The following KCNH1 variants were observed in gnomAD, a reference collection of about 807,000 sequenced individuals.
The protein encoded by KCNH1 is potassium voltage-gated channel subfamily H member 1.
Under a neutral mutation model 69.2 loss-of-function variants are expected in KCNH1, and 27 were observed. The observed-to-expected ratio is 0.39, with a 90% CI of 0.29 to 0.54. The LOEUF is 0.54. KCNH1 is among the 20% of genes least tolerant of loss of function. The pLI is 0.68. For synonymous variants in KCNH1, 456 were observed against 487.7 expected, an observed-to-expected ratio of 0.93 and a Z score of 0.86; for missense variants, 798 against 1,261.6, an observed-to-expected ratio of 0.63 and a Z score of 5.57.
intron 7 of KCNH1, among the ~76,000 whole-genome samples, chr1:210,909,545 T>G (rs747819505): frequency 6.6e-6 from 1 of 152,254 alleles, no homozygotes; most frequent in Non-Finnish European, 1.5e-5. Context: ...GTTTCCATTT[T>G]CAGAAGAAGA....
At chr1:211,062,661 A>T (rs534447726) in intron 5 of KCNH1, among the ~76,000 whole-genome samples, 40 of 152,338 alleles carry the variant, frequency 2.6e-4, no homozygotes, top group Admixed American at 1.0e-3. Flanking sequence ...ATCTAAATAG[A>T]TATTTCTCAA....
At chr1:211,087,151 G>A (rs944173930) in intron 4 of KCNH1, among the ~76,000 whole-genome samples, 1 of 152,188 alleles carries the variant, frequency 6.6e-6, no homozygotes, top group Non-Finnish European at 1.5e-5. Context: ...AGGGTCAACA[G>A]TTACAACAGT....
At chr1:210,946,298 C>A (rs1386034498) in intron 6 of KCNH1, among the ~76,000 whole-genome samples, 1 of 152,104 alleles carries the variant, frequency 6.6e-6, no homozygotes, top group African/African-American at 2.4e-5. Context: ...GATACCCAGT[C>A]AATGTCCTGG....
At chr1:211,128,701 T>C (rs540284071) in intron 1 of KCNH1, among the ~76,000 whole-genome samples, 2 of 152,226 alleles carry the variant, frequency 1.3e-5, no homozygotes, top group South Asian at 4.1e-4. Flanking sequence ...ACTGAACAAT[T>C]AAAAAGGTTA....
intron 5 of KCNH1, among the ~76,000 whole-genome samples, chr1:211,054,965 A>C (rs1390164496): frequency 6.6e-6 from 1 of 152,178 alleles, no homozygotes; most frequent in African/African-American, 2.4e-5. Flanking sequence ...TATATCAGTA[A>C]GAATAAGAAC....
intron 7 of KCNH1, chr1:210,861,991 A>G: frequency 2.6e-6 from 2 of 761,902 alleles, no homozygotes; most frequent in Non-Finnish European, 4.9e-6. Flanking sequence ...AGGATGGATA[A>G]TGGCTTCTAC....
At chr1:210,838,302 T>C (rs1685329404) in intron 7 of KCNH1, among the ~76,000 whole-genome samples, 1 of 152,148 alleles carries the variant, frequency 6.6e-6, no homozygotes, top group African/African-American at 2.4e-5. Context: ...TGCAGAAAAT[T>C]AAAACTGGAC....
At chr1:211,003,713 C>T (rs1408005933) in intron 6 of KCNH1, among the ~76,000 whole-genome samples, 1 of 152,014 alleles carries the variant, frequency 6.6e-6, no homozygotes, top group Non-Finnish European at 1.5e-5. Flanking sequence ...AAAAGAATTC[C>T]TACGATGGAC....
At chr1:210,863,309 C>T (rs1686020978) in intron 7 of KCNH1, among the ~76,000 whole-genome samples, 1 of 152,136 alleles carries the variant, frequency 6.6e-6, no homozygotes, top group South Asian at 2.1e-4. Context: ...ATCTCAAGAC[C>T]ATCTAAGTTA....
chr1:210,985,328 T>A (rs911616332), intron 6 of KCNH1, among the ~76,000 whole-genome samples: 11 of 152,204 alleles, frequency 7.2e-5, no homozygotes, highest in African/African-American at 2.7e-4. Context: ...CTGCTAGCTT[T>A]TGAATGAGTT....
intron 7 of KCNH1, among the ~76,000 whole-genome samples, chr1:210,857,103 T>C (rs1421136016): frequency 6.6e-6 from 1 of 151,776 alleles, no homozygotes; most frequent in Non-Finnish European, 1.5e-5. Context: ...AATCTGCATG[T>C]TAACAAGACC....
chr1:211,050,322 C>A (rs186731430), intron 5 of KCNH1, among the ~76,000 whole-genome samples: 1 of 133,204 alleles, frequency 7.5e-6, no homozygotes, highest in African/African-American at 2.9e-5. Context: ...GCTGGGGTGG[C>A]GCTCTAGTCA....
intron 5 of KCNH1, among the ~76,000 whole-genome samples, chr1:211,026,574 C>T (rs1313249922): frequency 6.6e-6 from 1 of 152,142 alleles, no homozygotes; most frequent in African/African-American, 2.4e-5. Context: ...GCCTAGACTT[C>T]CCCTTTCTCG....
At chr1:210,993,878 C>G (rs955349119) in intron 6 of KCNH1, among the ~76,000 whole-genome samples, 2 of 151,928 alleles carry the variant, frequency 1.3e-5, no homozygotes, top group African/African-American at 4.8e-5. Context: ...AGTCACCAAC[C>G]TCTATGTGTC....
In KCNH1 at chr1:211,133,784, TGCTGGCTCC is replaced by T; in HGVS notation, c.79+74_79+82del. The T allele has an allele frequency of 7.6e-7, 1 of 1,316,472 alleles. No homozygotes were observed. The highest frequency in any genetic ancestry group is 1.1e-6 in the Non-Finnish European group (1 of 924,240). 81.5% of individuals were successfully genotyped at this position (1,316,472 alleles called of 1,614,324 possible). ...CAGAGCTCGCGGGTTCTGCTGCATCTGCTGGCTCCGAGCGGCGAGAGGTTCTGCAATAAA... is the reference window on the plus strand; with the variant it reads ...CAGAGCTCGCGGGTTCTGCTGCATCTGAGCGGCGAGAGGTTCTGCAATAAA... On this transcript the variant is annotated intron_variant, in intron 1 of 10. Transcript: ENST00000271751. The surrounding 1 kb of genome is among the most constrained non-coding windows in gnomAD (Gnocchi z 5.4).
At chr1:211,007,743 CTGAGAA>C (rs1483322610) in intron 6 of KCNH1, among the ~76,000 whole-genome samples, 1 of 152,162 alleles carries the variant, frequency 6.6e-6, no homozygotes, top group Non-Finnish European at 1.5e-5. Flanking sequence ...TTTCCTACCT[CTGAGAA>C]TGTGCCATTG....
intron 10 of KCNH1, among the ~76,000 whole-genome samples, chr1:210,723,220 T>G (rs1682512739): frequency 6.6e-6 from 1 of 152,108 alleles, no homozygotes; most frequent in Non-Finnish European, 1.5e-5. Context: ...AAATGATACC[T>G]TACATTTTTT....
intron 6 of KCNH1, among the ~76,000 whole-genome samples, chr1:210,970,381 G>A (rs919955804): frequency 4.0e-5 from 6 of 151,720 alleles, no homozygotes; most frequent in African/African-American, 1.2e-4. Flanking sequence ...TCCTGTTCGT[G>A]TTTAGTTTCC....
At chr1:210,985,807 T>G (rs1008313987) in intron 6 of KCNH1, among the ~76,000 whole-genome samples, 4 of 152,190 alleles carry the variant, frequency 2.6e-5, no homozygotes, top group South Asian at 2.1e-4. Flanking sequence ...GTATGCTTGG[T>G]CCAGAGCTGA....
Sources: allele counts gnomAD v4.1 joint callset (sites outside exome capture counted in the v4.1 genomes callset), GRCh38; gene constraint gnomAD v4.1.1; non-coding constraint Gnocchi (gnomAD v3.1); transcripts MANE v1.5; gene names NCBI Gene and HGNC (gene_info 2026-07-23, HGNC 2026-07-21).